CYP11A1: variants seen among roughly 807,000 people sequenced by gnomAD.
CYP11A1 encodes the protein cholesterol side-chain cleavage enzyme, mitochondrial.
CYP11A1 carries 25 observed loss-of-function variants against 51.9 expected under a neutral mutation model. The ratio of observed to expected loss-of-function variants is 0.48; its 90% CI spans 0.35 to 0.67. The LOEUF (loss-of-function observed/expected upper bound fraction) is 0.67. Ranked by LOEUF, CYP11A1 falls within the 30% of genes least tolerant of loss-of-function variation. CYP11A1 has a pLI of 0.00. For missense variants in CYP11A1, 578 were observed against 680.9 expected (o/e 0.85, Z 1.68); for synonymous variants, 245 against 262.1 (o/e 0.93, Z 0.63).
At chr15:74,347,132 G>A (rs2141236767) in intron 2 of CYP11A1, among the ~76,000 whole-genome samples, 1 of 152,110 alleles carries the variant, frequency 6.6e-6, no homozygotes, top group Non-Finnish European at 1.5e-5. Context: ...TGATGGGGTG[G>A]GTATGGTGGC....
At position 74,338,045 on chromosome 15, in the gene CYP11A1, T is replaced by G; in HGVS notation, c.1493A>C (p.Asn498Thr). ...GGGCTTTTCAGGCATCAGAATGAGG[T>G]TGAATGTGGTGCCCACATCGCTGAG... The part of the protein sequence containing the change: ...QHLSDVGTTF[N>T]LILMPEKPIS... Residue 498 changes from asparagine (N) to threonine (T), a missense_variant, in exon 9 of 9, where the codon AAC becomes ACC. Coordinates refer to ENST00000268053, the MANE Select transcript of CYP11A1 (RefSeq NM_000781.3). The G allele has an allele frequency of 6.2e-7, 1 of 1,614,170 alleles. No individual in the cohort carries two copies. Among genetic ancestry groups the G allele is most frequent in the Non-Finnish European group, 8.5e-7 (1 of 1,180,012 alleles).
chr15:74,364,273 A>C (rs1214670534), intron 1 of CYP11A1: 1 of 152,540 alleles, frequency 6.6e-6, no homozygotes, highest in Non-Finnish European at 1.5e-5. Flanking sequence ...AGCCAGCATG[A>C]AGCAGTTACA....
chr15:74,347,829 C>T, intron 2 of CYP11A1, 71 bp downstream of exon 2: 2 of 1,559,784 alleles, frequency 1.3e-6, no homozygotes, highest in Non-Finnish European at 8.8e-7. Context: ...AGCCCCTCAC[C>T]CCCAGCCTCT....
intron 1 of CYP11A1, 76 bp downstream of exon 1, chr15:74,367,241 A>G: frequency 1.3e-6 from 2 of 1,504,558 alleles, no homozygotes; most frequent in African/African-American, 2.8e-5. Flanking sequence ...CTGTTGGGGG[A>G]GTGGGGACTA....
At chr15:74,355,820 C>T (rs1402399951) in intron 1 of CYP11A1, among the ~76,000 whole-genome samples, 1 of 152,114 alleles carries the variant, frequency 6.6e-6, no homozygotes. Flanking sequence ...GCTCTTTTTC[C>T]TCAAATATAA....
chr15:74,345,037 C>G lies in CYP11A1; in HGVS notation c.625+7G>C. On this transcript the variant is annotated splice_region_variant and intron_variant, in intron 3 of 8. Coordinates refer to ENST00000268053, the MANE Select transcript of CYP11A1 (RefSeq NM_000781.3). This position sits in a 1 kb window ranked among gnomAD's most constrained non-coding sequence, Gnocchi z 4.3. ...GCCCACTGCCAGCCAGGTGCAAGCC[C>G]CCTTACACTCAAAGGCAAAGCGGAA... The G allele has an allele frequency of 1.2e-6, 2 of 1,613,408 alleles. No homozygotes were observed. The highest frequency in any genetic ancestry group is 1.7e-5 in the Admixed American group (1 of 60,018).
intron 5 of CYP11A1, among the ~76,000 whole-genome samples, chr15:74,341,303 C>T (rs570757052): frequency 1.0e-3 from 159 of 152,256 alleles, no homozygotes; most frequent in African/African-American, 3.7e-3. Flanking sequence ...TTGAAGATCT[C>T]TTCTACGTAA....
rs1179648739 is a variant in CYP11A1 at position 74,345,605 on chromosome 15, G to A, written c.426-362C>T. On this transcript the variant is annotated intron_variant, in intron 2 of 8. Transcript: ENST00000268053. The surrounding 1 kb of genome is among the most constrained non-coding windows in gnomAD (Gnocchi z 4.3). Reference sequence around the variant, plus strand: ...TTCCATGCCACTCCCACTTCCTCCTGGCCGATGCTCACCTTTGACACTCCA... The same window carrying A: ...TTCCATGCCACTCCCACTTCCTCCTAGCCGATGCTCACCTTTGACACTCCA... 6.6e-6 allele frequency among the ~76,000 whole-genome samples: 1 copy of A among 151,996 alleles called. No homozygotes were observed. Among genetic ancestry groups the A allele is most frequent in the Non-Finnish European group, 1.5e-5 (1 of 67,988 alleles).
chr15:74,360,531 G>C (rs1262871481), intron 1 of CYP11A1, among the ~76,000 whole-genome samples: 1 of 149,986 alleles, frequency 6.7e-6, no homozygotes, highest in Non-Finnish European at 1.5e-5. Context: ...TGATCCACCC[G>C]CCTCGGCCTC....
At chr15:74,360,328 T>A (rs2060701868) in intron 1 of CYP11A1, among the ~76,000 whole-genome samples, 1 of 152,024 alleles carries the variant, frequency 6.6e-6, no homozygotes, top group Non-Finnish European at 1.5e-5. Context: ...TCCCCCAGGC[T>A]GGAGTGCAGT....
intron 1 of CYP11A1, among the ~76,000 whole-genome samples, chr15:74,349,645 C>T (rs1265275246): frequency 6.6e-6 from 1 of 152,192 alleles, no homozygotes; most frequent in Non-Finnish European, 1.5e-5. Context: ...GATCTGACAT[C>T]AGCAACAATG....
intron 1 of CYP11A1, among the ~76,000 whole-genome samples, chr15:74,352,062 G>A (rs1367843911): frequency 6.6e-6 from 1 of 152,088 alleles, no homozygotes; most frequent in Non-Finnish European, 1.5e-5. Flanking sequence ...ATTGTTATAT[G>A]TTGTGTCTAC....
Position 74,345,602 on chromosome 15 carries a change from C to T in CYP11A1, c.426-359G>A, listed in dbSNP as rs1162049360. On this transcript the variant is annotated intron_variant, in intron 2 of 8. Transcript: ENST00000268053. This position sits in a 1 kb window ranked among gnomAD's most constrained non-coding sequence, Gnocchi z 4.3. ...GCCTTCCATGCCACTCCCACTTCCT[C>T]CTGGCCGATGCTCACCTTTGACACT... Among the ~76,000 whole-genome samples the T allele has an allele frequency of 6.6e-6, 1 of 152,194 alleles. No individual in the cohort carries two copies. Among genetic ancestry groups the T allele is most frequent in the East Asian group, 1.9e-4 (1 of 5,194 alleles).
In CYP11A1 at chr15:74,345,290, C is replaced by T. The variant is rs117641050; in HGVS notation, c.426-47G>A. On this transcript the variant is annotated intron_variant, in intron 2 of 8. Transcript: ENST00000268053. The surrounding 1 kb of genome is among the most constrained non-coding windows in gnomAD (Gnocchi z 4.3). ...AGCCCTCATGGTCACAGACCCCAGG[C>T]CTGGTGAACACAGAGGGGGCTGACT... 24,497 of 1,605,272 alleles carry T rather than the reference C, an allele frequency of 0.015. 301 individuals are homozygous for T. The highest frequency in any genetic ancestry group is 0.064 in the Middle Eastern group (388 of 6,044).
intron 1 of CYP11A1, chr15:74,354,477 TA>T (rs1281027952): frequency 6.6e-6 from 1 of 152,286 alleles, no homozygotes; most frequent in Non-Finnish European, 1.5e-5. Context: ...CCCAGGTGAT[TA>T]AAAAGCTTTA....
chr15:74,366,542 A>T (rs761023775), intron 1 of CYP11A1, among the ~76,000 whole-genome samples: 205 of 149,770 alleles, frequency 1.4e-3, no homozygotes, highest in Non-Finnish European at 2.5e-3. Flanking sequence ...TTGATCTCGA[A>T]CTCCTGTCCT....
In CYP11A1 at chr15:74,337,867, G is replaced by T; in HGVS notation, c.*105C>A. The T allele has an allele frequency of 1.3e-6, 2 of 1,496,604 alleles. No individual in the cohort carries two copies. The highest frequency in any genetic ancestry group is 1.8e-6 in the Non-Finnish European group (2 of 1,084,492). The allele number at this position is 1,496,604 out of a possible 1,614,324, so 92.7% of individuals were successfully genotyped here. A position where few individuals can be genotyped will look rare whatever the true frequency, so the allele number is the denominator to read the frequency against. The stretch of plus-strand genomic sequence containing the variant: ...ACCCATTCAACCTGCTGAGCAGGCT[G>T]GGCAGAAAGGAGCAGGACTTGGGAC... On this transcript the variant is annotated 3_prime_UTR_variant, in exon 9 of 9. Coordinates refer to ENST00000268053, the MANE Select transcript of CYP11A1 (RefSeq NM_000781.3).
At chr15:74,360,554 G>A (rs1174307029) in intron 1 of CYP11A1, among the ~76,000 whole-genome samples, 1 of 151,142 alleles carries the variant, frequency 6.6e-6, no homozygotes, top group Non-Finnish European at 1.5e-5. Context: ...AAAGTGCTGG[G>A]ATTACAGGAG....
intron 2 of CYP11A1, among the ~76,000 whole-genome samples, chr15:74,346,367 AAAAAAAG>A (rs1235020841): frequency 0.014 from 2,151 of 149,436 alleles, 24 homozygotes; most frequent in Middle Eastern, 0.065. Context: ...AAAAAAAAAA[AAAAAAAG>A]AAAGAAAGAA....
Sources: gnomAD v4.1 joint callset for allele counts (sites outside exome capture counted in the v4.1 genomes callset) on GRCh38, gnomAD v4.1.1 for gene constraint, Gnocchi (gnomAD v3.1) non-coding constraint, MANE v1.5 for transcripts, NCBI Gene and HGNC (gene_info 2026-07-23, HGNC 2026-07-21) for gene names.